Variants in SUV39H1 observed in about 807,000 individuals in gnomAD.
The protein encoded by SUV39H1 is SUV39H1 histone lysine methyltransferase.
For missense variants in SUV39H1, 180 were observed against 386.3 expected, an observed-to-expected ratio of 0.47 and a Z score of 4.48; for synonymous variants, 141 against 150.5, an observed-to-expected ratio of 0.94 and a Z score of 0.46.
intron 2 of SUV39H1, among the ~76,000 whole-genome samples, chrX:48,699,526 C>CT (rs1287847444): frequency 2.7e-5 from 3 of 111,672 alleles, no homozygotes; most frequent in South Asian, 7.5e-4. Flanking sequence ...CTACCCAAAC[C>CT]TTCAGTACTT....
Position 48,700,196 on chromosome X carries a change from A to C in SUV39H1, c.271A>C (p.Lys91Gln), listed in dbSNP as rs2062469630. ...TGTGCGTATCCTCAAGCAGTTCCAC[A>C]AGGACTTAGAAAGGGAGCTGCTCCG... The part of the protein sequence containing the change: ...KCVRILKQFH[K>Q]DLERELLRRH... The change falls in exon 3 of 6, where the codon AAG (lysine) becomes CAG (glutamine). Residue 91 changes from lysine to glutamine, a missense_variant. Transcript: ENST00000376687. The C allele has an allele frequency of 8.3e-7, 1 of 1,200,832 alleles. No individual in the cohort carries two copies. The highest frequency in any genetic ancestry group is 1.1e-6 in the Non-Finnish European group (1 of 890,685).
intron 3 of SUV39H1, chrX:48,705,420 C>CA (rs2062487670): frequency 8.8e-6 from 1 of 114,143 alleles, no homozygotes. Context: ...AGGAGGCTGC[C>CA]GTTGCTGGCC....
chrX:48,696,160 T>C (rs1438472749), upstream of SUV39H1, among the ~76,000 whole-genome samples: 1 of 112,558 alleles, frequency 8.9e-6, no homozygotes, highest in Non-Finnish European at 1.9e-5. Context: ...GAGGACTGAT[T>C]GATCTGCTGA....
At chrX:48,704,803 A>C (rs370468665) in intron 3 of SUV39H1, among the ~76,000 whole-genome samples, 1 of 111,593 alleles carries the variant, frequency 9.0e-6, no homozygotes, top group East Asian at 2.8e-4. Context: ...GGCAGGGACC[A>C]ATCCTGGTTC....
intron 3 of SUV39H1, among the ~76,000 whole-genome samples, chrX:48,705,850 G>GT (rs782251581): frequency 1.8e-5 from 2 of 112,405 alleles, no homozygotes; most frequent in South Asian, 7.3e-4. Context: ...GCCTGGATCA[G>GT]TAAGTATCTC....
intron 3 of SUV39H1, among the ~76,000 whole-genome samples, chrX:48,704,893 C>T (rs1438031780): frequency 9.0e-6 from 1 of 111,494 alleles, no homozygotes; most frequent in Non-Finnish European, 1.9e-5. Flanking sequence ...GACCGTGAGC[C>T]CTGCATGCTG....
chrX:48,700,197 A>G lies in SUV39H1; in HGVS notation c.272A>G (p.Lys91Arg). ...KCVRILKQFH[K>R]DLERELLRRH... is the part of the protein sequence containing the mutation. ...GTGCGTATCCTCAAGCAGTTCCACAAGGACTTAGAAAGGGAGCTGCTCCGG... is the reference window on the plus strand; with the variant it reads ...GTGCGTATCCTCAAGCAGTTCCACAGGGACTTAGAAAGGGAGCTGCTCCGG... Residue 91 changes from lysine to arginine, a missense_variant, in exon 3 of 6, where the codon AAG (lysine) becomes AGG (arginine). By Grantham distance (26) the Lys-to-Arg change is conservative. Transcript: ENST00000376687. 1.7e-6 allele frequency: 2 copies of G among 1,203,344 alleles called. No individual in the cohort carries two copies. Among genetic ancestry groups the G allele is most frequent in the Non-Finnish European group, 2.2e-6 (2 of 891,210 alleles).
In SUV39H1 at chrX:48,700,696, C is replaced by T; in HGVS notation, c.771C>T (p.Gly257=). ...GCACGGATGATGGGCGTGGCTGGGGCGTCCGCACCCTGGAGAAGATTCGCA... is the reference window on the plus strand; with the variant it reads ...GCACGGATGATGGGCGTGGCTGGGGTGTCCGCACCCTGGAGAAGATTCGCA... ...IFRTDDGRGW[G]VRTLEKIRKN... is the part of the protein sequence containing the mutation. Residue 257 remains glycine, a synonymous_variant, in exon 3 of 6, where the codon GGC becomes GGT. Coordinates refer to ENST00000376687, the MANE Select transcript of SUV39H1 (RefSeq NM_003173.4). 1.7e-6 allele frequency: 2 copies of T among 1,211,583 alleles called. No individual in the cohort carries two copies. The highest frequency in any genetic ancestry group is 3.5e-5 in the African/African-American group (2 of 57,856).
In SUV39H1 at chrX:48,698,890, C is replaced by T. The variant is rs781896040; in HGVS notation, c.20-12C>T. Reference sequence around the variant, plus strand: ...TGCCCAGTAATAGTTCTTTCTGCCCCGCTTGATCCAGGCTGCAGCGTGTGT... The same window carrying T: ...TGCCCAGTAATAGTTCTTTCTGCCCTGCTTGATCCAGGCTGCAGCGTGTGT... On this transcript the variant is annotated splice_polypyrimidine_tract_variant and intron_variant, in intron 1 of 5. Coordinates refer to ENST00000376687, the MANE Select transcript of SUV39H1 (RefSeq NM_003173.4). 21 of 1,204,132 alleles carry T rather than the reference C, an allele frequency of 1.7e-5. No homozygotes were observed. In the Admixed American group the frequency reaches 3.1e-4, roughly 18 times the overall value.
At chrX:48,699,435 G>T (rs1027868031) in intron 2 of SUV39H1, among the ~76,000 whole-genome samples, 1 of 111,455 alleles carries the variant, frequency 9.0e-6, no homozygotes, top group African/African-American at 3.3e-5. Context: ...TTGCCAGAAG[G>T]GGGAGTGGCA....
chrX:48,697,734 T>A (rs1297700144), intron 1 of SUV39H1, among the ~76,000 whole-genome samples: 1 of 112,178 alleles, frequency 8.9e-6, no homozygotes, highest in Non-Finnish European at 1.9e-5. Flanking sequence ...TTAAACATTT[T>A]AAAAAGATGA....
At position 48,698,898 on chromosome X, in the gene SUV39H1, C is replaced by T; in HGVS notation, c.20-4C>T. 1.7e-6 allele frequency: 2 copies of T among 1,207,898 alleles called. No homozygotes were observed. The highest frequency in any genetic ancestry group is 2.2e-6 in the Non-Finnish European group (2 of 893,985). ...AATAGTTCTTTCTGCCCCGCTTGAT[C>T]CAGGCTGCAGCGTGTGTTGCAAGTC... On this transcript the variant is annotated splice_region_variant and splice_polypyrimidine_tract_variant and intron_variant, in intron 1 of 5. Coordinates refer to ENST00000376687, the MANE Select transcript of SUV39H1 (RefSeq NM_003173.4).
In SUV39H1 at chrX:48,700,450, C is replaced by T; in HGVS notation, c.525C>T (p.Asn175=). 8.2e-7 allele frequency: 1 copy of T among 1,212,274 alleles called. No individual in the cohort carries two copies. The highest frequency in any genetic ancestry group is 1.1e-6 in the Non-Finnish European group (1 of 895,612). The change falls in exon 3 of 6, where the codon AAC becomes AAT. Residue 175 remains asparagine, a synonymous_variant. Transcript: ENST00000376687. The part of the protein sequence containing the change: ...EYRVGEGITL[N]QVAVGCECQD... Reference sequence around the variant, plus strand: ...GTGTTGGTGAGGGCATCACCCTCAACCAGGTGGCTGTGGGCTGCGAGTGCC... The same window carrying T: ...GTGTTGGTGAGGGCATCACCCTCAATCAGGTGGCTGTGGGCTGCGAGTGCC...
upstream of SUV39H1, chrX:48,695,660 T>G (rs1231859842): frequency 2.7e-6 from 3 of 1,109,824 alleles, no homozygotes; most frequent in African/African-American, 5.5e-5. Context: ...ATGCTGAGAA[T>G]GACTGACGAT....
intron 3 of SUV39H1, among the ~76,000 whole-genome samples, chrX:48,703,054 C>T: frequency 8.9e-6 from 1 of 112,196 alleles, no homozygotes; most frequent in Non-Finnish European, 1.9e-5. Flanking sequence ...ATAGCACTCA[C>T]CTCACAGGCT....
chrX:48,708,952 G>A lies in SUV39H1; in HGVS notation c.*1382G>A, dbSNP rs992671193. 3 of 110,291 alleles carry A rather than the reference G, an allele frequency of 2.7e-5. No individual in the cohort carries two copies. The highest frequency in any genetic ancestry group is 9.9e-5 in the African/African-American group (3 of 30,301). 9.1% of individuals were successfully genotyped at this position (110,291 alleles called of 1,213,427 possible). A position where few individuals can be genotyped will look rare whatever the true frequency, so the allele number is the denominator to read the frequency against. On this transcript the variant is annotated 3_prime_UTR_variant, in exon 6 of 6. Transcript: ENST00000376687. ...ATGGACTGAATCTGGTTCTCCTCTT[G>A]TACACCCCTCAACCCTATGCAGCCT... is the stretch of plus-strand genomic sequence containing the variant.
intron 2 of SUV39H1, among the ~76,000 whole-genome samples, chrX:48,699,845 A>G (rs2062468412): frequency 9.0e-6 from 1 of 111,033 alleles, no homozygotes; most frequent in African/African-American, 3.3e-5. Context: ...CAAGGAGAGG[A>G]GTGGGTTTGG....
At chrX:48,707,114 C>T (rs1218970349) in intron 5 of SUV39H1, among the ~76,000 whole-genome samples, 1 of 109,129 alleles carries the variant, frequency 9.2e-6, no homozygotes, top group Non-Finnish European at 1.9e-5. Flanking sequence ...CCCCTGCCCC[C>T]CCCCACACAC....
intron 3 of SUV39H1, 188 bp downstream of exon 3, chrX:48,700,941 G>A (rs1167530571): frequency 1.9e-6 from 1 of 530,862 alleles, no homozygotes; most frequent in Admixed American, 2.7e-5. Flanking sequence ...ACACCAGCAT[G>A]GCCATGCTGG....
Sources: gnomAD v4.1 joint callset for allele counts (sites outside exome capture counted in the v4.1 genomes callset) on GRCh38, gnomAD v4.1.1 for gene constraint, MANE v1.5 for transcripts, NCBI Gene and HGNC (gene_info 2026-07-23, HGNC 2026-07-21) for gene names.